The following TRAP1 variants were observed in gnomAD, a reference collection of about 807,000 sequenced individuals.
TRAP1 encodes the protein TNF receptor associated protein 1.
A neutral mutation model predicts 89.1 loss-of-function variants in TRAP1; 102 were observed. That is an observed-to-expected ratio of 1.15 (90% CI 0.98 to 1.35). The LOEUF is 1.35. TRAP1 is among the 40% of genes most tolerant of loss of function. TRAP1 has a pLI of 0.00. For missense variants in TRAP1, 1,256 were observed against 945.3 expected (o/e 1.33, Z -4.31); for synonymous variants, 508 against 388.0 (o/e 1.31, Z -3.64).
chr16:3,678,667 T>C (rs1477850967), intron 5 of TRAP1: 1 of 152,262 alleles, frequency 6.6e-6, no homozygotes, highest in Non-Finnish European at 1.5e-5. Flanking sequence ...TTCACCGTGT[T>C]AGCCAGGATG....
chr16:3,683,478 C>A (rs571732012), intron 4 of TRAP1, among the ~76,000 whole-genome samples: 3 of 151,536 alleles, frequency 2.0e-5, no homozygotes, highest in Admixed American at 2.0e-4. Context: ...CTCCGCCTCC[C>A]GGGTTCAAGC....
Position 3,677,265 on chromosome 16 carries a change from G to A in TRAP1, c.704+233C>T, listed in dbSNP as rs142538268. On this transcript the variant is annotated intron_variant, in intron 6 of 17. Coordinates refer to ENST00000246957, the MANE Select transcript of TRAP1 (RefSeq NM_016292.3). ...CTGAGAAAGGAGCTCAGCGCGGGCCGGACCTGCCTTCCCGAGCGCAGTGGT... is the reference window on the plus strand; with the variant it reads ...CTGAGAAAGGAGCTCAGCGCGGGCCAGACCTGCCTTCCCGAGCGCAGTGGT... Among the ~76,000 whole-genome samples, 477 of 152,228 alleles carry A rather than the reference G, an allele frequency of 3.1e-3. 1 individual carries two copies. Among genetic ancestry groups the A allele is most frequent in the Non-Finnish European group, 5.4e-3 (369 of 68,006 alleles).
chr16:3,672,815 C>T lies in TRAP1; in HGVS notation c.1050G>A (p.Pro350=), dbSNP rs546652401. The change falls in exon 10 of 18, where the codon CCG becomes CCA. Residue 350 remains proline, a synonymous_variant. Coordinates refer to ENST00000246957, the MANE Select transcript of TRAP1 (RefSeq NM_016292.3). ...GCTCCCGGCTCACATCAAACATGGACGGTTTCTGGGGGTGAGGAGAACACG... is the reference window on the plus strand; with the variant it reads ...GCTCCCGGCTCACATCAAACATGGATGGTTTCTGGGGGTGAGGAGAACACG... ...RSIFYVPDMK[P]SMFDVSRELG... 1.1e-4 allele frequency: 178 copies of T among 1,612,300 alleles called. No homozygotes were observed. Among genetic ancestry groups the T allele is most frequent in the Middle Eastern group, 6.6e-4 (4 of 6,076 alleles).
intron 5 of TRAP1, 23 bp from the exon 6 acceptor site, chr16:3,677,681 T>C (rs775026262): frequency 9.3e-6 from 15 of 1,607,558 alleles, no homozygotes; most frequent in East Asian, 2.2e-5. Context: ...GGCCAGTTAG[T>C]GAGGCAGCCT....
At chr16:3,658,700 G>C in intron 17 of TRAP1, 93 bp downstream of exon 17, 1 of 1,223,206 alleles carries the variant, frequency 8.2e-7, no homozygotes. Flanking sequence ...CAAAAAGACA[G>C]GATTTTAGAG....
chr16:3,689,047 G>A lies in TRAP1; in HGVS notation c.330+8C>T, dbSNP rs368168484. Reference sequence around the variant, plus strand: ...GCTAGCATCGGGCATGGTTAGCAGGGAACGCACCTCTTTTTCTGAGTACAG... The same window carrying A: ...GCTAGCATCGGGCATGGTTAGCAGGAAACGCACCTCTTTTTCTGAGTACAG... On this transcript the variant is annotated splice_region_variant and intron_variant, in intron 3 of 17. Transcript: ENST00000246957. The A allele has an allele frequency of 5.3e-5, 86 of 1,609,006 alleles. No individual in the cohort carries two copies. The highest frequency in any genetic ancestry group is 8.9e-5 in the South Asian group (8 of 89,984).
intron 1 of TRAP1, 74 bp from the exon 2 acceptor site, chr16:3,691,059 A>G: frequency 7.3e-7 from 1 of 1,362,578 alleles, no homozygotes; most frequent in Non-Finnish European, 9.7e-7. Flanking sequence ...CGTCCCATCA[A>G]GGGTGTCTAG....
rs1282474818 is a variant in TRAP1 at position 3,676,146 on chromosome 16, C to T, written c.705-1G>A. On this transcript the variant is annotated splice_acceptor_variant, in intron 6 of 17. Coordinates refer to ENST00000246957, the MANE Select transcript of TRAP1 (RefSeq NM_016292.3). LOFTEE classifies it high-confidence loss of function. Reference sequence around the variant, plus strand: ...TTCGGCGATTTCAAACACTCCAGAACTAAGGCAGGCAAAGAAAGGAAAAGC... The same window carrying T: ...TTCGGCGATTTCAAACACTCCAGAATTAAGGCAGGCAAAGAAAGGAAAAGC... 1 of 1,613,144 alleles carries T rather than the reference C, an allele frequency of 6.2e-7. No homozygotes were observed. The highest frequency in any genetic ancestry group is 1.3e-5 in the African/African-American group (1 of 74,896).
chr16:3,706,164 G>C (rs2051442323), intron 1 of TRAP1, among the ~76,000 whole-genome samples: 1 of 152,218 alleles, frequency 6.6e-6, no homozygotes. Flanking sequence ...ATGTTGGCCA[G>C]GCTAGTCTCA....
chr16:3,669,872 A>G (rs2050888454), intron 11 of TRAP1, among the ~76,000 whole-genome samples: 1 of 151,344 alleles, frequency 6.6e-6, no homozygotes, highest in South Asian at 2.1e-4. Context: ...ATTTCAGAAC[A>G]AAGATAAACA....
chr16:3,680,750 G>A (rs886248922), intron 4 of TRAP1, among the ~76,000 whole-genome samples: 10 of 152,328 alleles, frequency 6.6e-5, no homozygotes, highest in Non-Finnish European at 8.8e-5. Context: ...AAGTCACGAC[G>A]GCTCCACTCT....
chr16:3,664,072 AAAAAC>A, intron 13 of TRAP1, 197 bp downstream of exon 13: 1 of 574,338 alleles, frequency 1.7e-6, no homozygotes, highest in South Asian at 2.8e-5. Flanking sequence ...CAAAAAAACA[AAAAAC>A]AAACAAAAAA....
chr16:3,709,928 G>T (rs914015395), intron 1 of TRAP1, among the ~76,000 whole-genome samples: 1 of 152,216 alleles, frequency 6.6e-6, no homozygotes, highest in African/African-American at 2.4e-5. Flanking sequence ...GGGATTACAG[G>T]CGTGAGCCAC....
intron 3 of TRAP1, among the ~76,000 whole-genome samples, chr16:3,687,638 C>T (rs762000457): frequency 1.1e-4 from 16 of 152,020 alleles, no homozygotes; most frequent in Non-Finnish European, 2.4e-4. Flanking sequence ...GATCTCAGCA[C>T]TTTGGGAGGC....
intron 17 of TRAP1, 91 bp from the exon 18 acceptor site, chr16:3,658,321 C>A: frequency 9.4e-7 from 1 of 1,063,114 alleles, no homozygotes; most frequent in Non-Finnish European, 1.4e-6. Flanking sequence ...GTTGCCGAGG[C>A]TGGAGTGCAG....
intron 5 of TRAP1, 149 bp from the exon 6 acceptor site, chr16:3,677,807 G>A (rs2051020026): frequency 1.1e-6 from 1 of 891,520 alleles, no homozygotes; most frequent in Non-Finnish European, 1.7e-6. Flanking sequence ...TACACGTGAA[G>A]AGCTAAGTCA....
intron 11 of TRAP1, among the ~76,000 whole-genome samples, chr16:3,671,177 C>A (rs2050908055): frequency 6.6e-6 from 1 of 152,170 alleles, no homozygotes. Context: ...CTGAAACCTG[C>A]CCTATGTGGC....
At chr16:3,686,173 G>A (rs1315129395) in intron 3 of TRAP1, 37 bp from the exon 4 acceptor site, 1 of 1,608,596 alleles carries the variant, frequency 6.2e-7, no homozygotes, top group Non-Finnish European at 8.5e-7. Context: ...GACAATGAAG[G>A]ACACTCATCC....
intron 4 of TRAP1, among the ~76,000 whole-genome samples, chr16:3,682,774 C>T (rs2051089548): frequency 6.7e-6 from 1 of 149,552 alleles, no homozygotes; most frequent in Non-Finnish European, 1.5e-5. Context: ...TGTGGTAGAT[C>T]ACTTGAGCCC....
Sources: gnomAD v4.1 joint callset for allele counts (sites outside exome capture counted in the v4.1 genomes callset) on GRCh38, gnomAD v4.1.1 for gene constraint, MANE v1.5 for transcripts, NCBI Gene and HGNC (gene_info 2026-07-23, HGNC 2026-07-21) for gene names.